The following ZNF423 variants were observed in gnomAD, a reference collection of about 807,000 sequenced individuals.
ZNF423 encodes the protein zinc finger protein 423, also known as Ebf-associated zinc finger protein.
A neutral mutation model predicts 95.8 loss-of-function variants in ZNF423; 12 were observed. The observed-to-expected ratio is 0.13, with a 90% CI of 0.08 to 0.20. The LOEUF (loss-of-function observed/expected upper bound fraction) is 0.20, where lower values mean the gene tolerates loss of function less well. ZNF423 is among the 10% of genes least tolerant of loss of function. The probability of loss-of-function intolerance (pLI) is 1.00; values close to 1 mark genes in which losing one functional copy is unlikely to be tolerated. For missense variants in ZNF423, 1,316 were observed against 1,737.1 expected (o/e 0.76, Z 4.31); for synonymous variants, 749 against 711.9 (o/e 1.05, Z -0.83).
At chr16:49,505,276 A>C (rs1967584083) in intron 7 of ZNF423, among the ~76,000 whole-genome samples, 1 of 152,204 alleles carries the variant, frequency 6.6e-6, no homozygotes, top group African/African-American at 2.4e-5. Flanking sequence ...AATTATACAG[A>C]ACACATATGT....
intron 5 of ZNF423, among the ~76,000 whole-genome samples, chr16:49,562,222 A>C (rs1027411931): frequency 5.9e-5 from 9 of 152,252 alleles, no homozygotes; most frequent in African/African-American, 1.9e-4. Flanking sequence ...AAAACACCAA[A>C]GAATTAGCTG....
intron 4 of ZNF423, among the ~76,000 whole-genome samples, chr16:49,628,487 G>A (rs756999485): frequency 2.0e-5 from 3 of 149,630 alleles, no homozygotes; most frequent in Non-Finnish European, 4.4e-5. Flanking sequence ...CCTACCTATT[G>A]TCTGTCTACC....
At chr16:49,536,193 T>C (rs1000031877) in intron 5 of ZNF423, among the ~76,000 whole-genome samples, 2 of 152,202 alleles carry the variant, frequency 1.3e-5, no homozygotes, top group African/African-American at 2.4e-5. Flanking sequence ...GACAGAACTT[T>C]TCCTGCAGTT....
rs548923975 is a variant in ZNF423 at position 49,751,435 on chromosome 16, G to A, written c.101-20464C>T. 1.8e-4 allele frequency among the ~76,000 whole-genome samples: 27 copies of A among 152,182 alleles called. No individual in the cohort carries two copies. In the South Asian group the frequency reaches 5.0e-3, roughly 28 times the overall value. The stretch of plus-strand genomic sequence containing the variant: ...TTGCCCAAGCTGGTCTCCAACTCCT[G>A]GCCACAAGCAATCCTCCCACCTTGT... On this transcript the variant is annotated intron_variant, in intron 2 of 7. Transcript: ENST00000563137.
intron 3 of ZNF423, among the ~76,000 whole-genome samples, chr16:49,674,038 C>T (rs2030936298): frequency 6.6e-6 from 1 of 152,126 alleles, no homozygotes; most frequent in Admixed American, 6.5e-5. Flanking sequence ...GAGAAAATAG[C>T]CAGAGCAAAG....
intron 7 of ZNF423, among the ~76,000 whole-genome samples, chr16:49,500,331 C>T (rs1967344138): frequency 6.6e-6 from 1 of 152,172 alleles, no homozygotes; most frequent in Non-Finnish European, 1.5e-5. Flanking sequence ...ACCACAAGTT[C>T]ACTTCTGTGG....
chr16:49,586,231 C>A (rs1306184755), intron 5 of ZNF423, among the ~76,000 whole-genome samples: 1 of 151,750 alleles, frequency 6.6e-6, no homozygotes, highest in African/African-American at 2.4e-5. Context: ...AGTAGCGTGG[C>A]GTGATACAAA....
In ZNF423 at chr16:49,821,690, C is replaced by T. The variant is rs560414986; in HGVS notation, c.41-32144G>A. On this transcript the variant is annotated intron_variant, in intron 1 of 7. Coordinates refer to ENST00000563137, the MANE Select transcript of ZNF423 (RefSeq NM_001379286.1). ...TCCCTGTCTCTGCCTTTGTCCCTGC[C>T]TGGCAGCCCCCTCCTCTGCCCCTGC... Among the ~76,000 whole-genome samples the T allele has an allele frequency of 5.9e-5, 9 of 152,318 alleles. No homozygotes were observed. In the South Asian group the frequency reaches 1.2e-3, roughly 21 times the overall value.
chr16:49,677,608 G>C (rs2031168956), intron 3 of ZNF423, among the ~76,000 whole-genome samples: 1 of 151,910 alleles, frequency 6.6e-6, no homozygotes, highest in Admixed American at 6.5e-5. Flanking sequence ...AATGCAGTGA[G>C]ACCCTGTCTC....
intron 1 of ZNF423, among the ~76,000 whole-genome samples, chr16:49,831,816 C>T (rs1439782146): frequency 6.6e-6 from 1 of 151,790 alleles, no homozygotes; most frequent in East Asian, 1.9e-4. Flanking sequence ...CATGGCGAAA[C>T]CCCATCTCTA....
Position 49,637,054 on chromosome 16 carries a change from G to C in ZNF423, c.2122C>G (p.Gln708Glu). The C allele has an allele frequency of 4.3e-6, 7 of 1,613,896 alleles. No individual in the cohort carries two copies. Among genetic ancestry groups the C allele is most frequent in the Non-Finnish European group, 5.1e-6 (6 of 1,180,030 alleles). The change falls in exon 4 of 8, where the codon CAA becomes GAA. Residue 708 changes from glutamine (Q) to glutamate (E), a missense_variant. By Grantham distance (29) the Gln-to-Glu change is conservative (BLOSUM62 2). Around this residue, in one of 6 missense-constraint regions of ZNF423, gnomAD observed 620 missense variants for 775.6 expected, o/e 0.80. Transcript: ENST00000563137. This position sits in a 1 kb window ranked among gnomAD's most constrained non-coding sequence, Gnocchi z 5.6. ...TGCAGGTCATCCACCGAGGAAAATT[G>C]CTTGTCGCAGCTCTCGCACACATAG... is the stretch of plus-strand genomic sequence containing the variant. ...THYVCESCDK[Q>E]FSSVDDLQKH...
intron 2 of ZNF423, among the ~76,000 whole-genome samples, chr16:49,739,601 T>C (rs1251672484): frequency 6.6e-6 from 1 of 152,036 alleles, no homozygotes; most frequent in African/African-American, 2.4e-5. Flanking sequence ...GCCCGCCCTC[T>C]GTAGGTGGCT....
intron 5 of ZNF423, among the ~76,000 whole-genome samples, chr16:49,596,427 C>T (rs1220704223): frequency 2.0e-5 from 3 of 152,212 alleles, no homozygotes; most frequent in Non-Finnish European, 4.4e-5. Flanking sequence ...TGTATTTCCT[C>T]TCGAAGGCCT....
chr16:49,723,881 G>A (rs562015006), intron 3 of ZNF423, among the ~76,000 whole-genome samples: 2 of 152,192 alleles, frequency 1.3e-5, no homozygotes, highest in African/African-American at 4.8e-5. Context: ...AGTTGTATTT[G>A]GGTCCATTTC....
intron 1 of ZNF423, among the ~76,000 whole-genome samples, chr16:49,852,217 G>T (rs1015899211): frequency 3.9e-5 from 6 of 152,042 alleles, no homozygotes; most frequent in African/African-American, 1.5e-4. Context: ...GTGCCGAGAG[G>T]TCACTGGGGG....
At chr16:49,693,413 C>T (rs1047613379) in intron 3 of ZNF423, among the ~76,000 whole-genome samples, 13 of 152,156 alleles carry the variant, frequency 8.5e-5, no homozygotes, top group Non-Finnish European at 2.9e-5. Flanking sequence ...CACAGTCAGG[C>T]TCCTGGTCCT....
intron 5 of ZNF423, among the ~76,000 whole-genome samples, chr16:49,610,924 C>T (rs774059344): frequency 1.3e-5 from 2 of 151,880 alleles, no homozygotes; most frequent in Non-Finnish European, 2.9e-5. Context: ...AAGAAAAGAA[C>T]ATTAAACAAT....
intron 3 of ZNF423, among the ~76,000 whole-genome samples, chr16:49,694,378 C>G (rs1432370845): frequency 6.6e-6 from 1 of 152,124 alleles, no homozygotes; most frequent in Non-Finnish European, 1.5e-5. Context: ...CCAAGAGAAA[C>G]AGAGAGGGTT....
At chr16:49,828,355 T>A (rs1313690477) in intron 1 of ZNF423, among the ~76,000 whole-genome samples, 3 of 152,228 alleles carry the variant, frequency 2.0e-5, no homozygotes, top group African/African-American at 7.2e-5. Flanking sequence ...GTCTGGCAAA[T>A]GAGCATTTCC....
Sources: gnomAD v4.1 joint callset for allele counts (sites outside exome capture counted in the v4.1 genomes callset) on GRCh38, gnomAD v4.1.1 for gene constraint, gnomAD v4.1.1 regional missense constraint, Gnocchi (gnomAD v3.1) non-coding constraint, MANE v1.5 for transcripts, NCBI Gene and HGNC (gene_info 2026-07-23, HGNC 2026-07-21) for gene names.